Variants in IL1RAP observed in about 807,000 individuals in gnomAD.
The protein encoded by IL1RAP is interleukin 1 receptor accessory protein, also known as interleukin-1 receptor accessory protein.
IL1RAP carries 35 observed loss-of-function variants against 60.7 expected under a neutral mutation model. That is an observed-to-expected ratio of 0.58 (90% CI 0.44 to 0.76). The LOEUF is 0.76. Among genes scored for constraint, IL1RAP ranks in the 30% least tolerant of loss-of-function variants. The pLI is 0.00. For synonymous variants in IL1RAP, 268 were observed against 250.9 expected (o/e 1.07, Z -0.64); for missense variants, 572 against 693.9 (o/e 0.82, Z 1.97).
intron 3 of IL1RAP, among the ~76,000 whole-genome samples, chr3:190,590,573 G>A (rs913422844): frequency 1.3e-5 from 2 of 152,092 alleles, no homozygotes; most frequent in African/African-American, 4.8e-5. Flanking sequence ...TTCTTTCCAG[G>A]TGCCACACTT....
At chr3:190,560,219 A>G (rs1414019373) in intron 2 of IL1RAP, among the ~76,000 whole-genome samples, 1 of 152,220 alleles carries the variant, frequency 6.6e-6, no homozygotes, top group Non-Finnish European at 1.5e-5. Context: ...AAATAAAAGG[A>G]AAGATCTGAA....
chr3:190,604,054 G>A (rs1164125971), intron 3 of IL1RAP, 74 bp from the exon 4 acceptor site: 1 of 1,426,170 alleles, frequency 7.0e-7, no homozygotes, highest in East Asian at 2.3e-5. Context: ...GAACTGAGGA[G>A]AAGGTGTGTT....
rs372739864 is a variant in IL1RAP at position 190,627,279 on chromosome 3, G to C, written c.776-44G>C. On this transcript the variant is annotated intron_variant, in intron 7 of 11. Coordinates refer to ENST00000447382, the MANE Select transcript of IL1RAP (RefSeq NM_002182.4). ...TTTTTGTTTTGTTTTGTTTTGTTTT[G>C]TTTTGTTTTTTGTTTTTTTTGTTTT... The C allele has an allele frequency of 3.5e-6, 5 of 1,439,328 alleles. No individual in the cohort carries two copies. In the African/African-American group the frequency reaches 6.7e-5, roughly 19 times the overall value. The allele number at this position is 1,439,328 out of a possible 1,614,324, so 89.2% of individuals were successfully genotyped here. A position where few individuals can be genotyped will look rare whatever the true frequency, so the allele number is the denominator to read the frequency against.
At chr3:190,525,730 A>T (rs1019288676) in intron 1 of IL1RAP, among the ~76,000 whole-genome samples, 1 of 152,238 alleles carries the variant, frequency 6.6e-6, no homozygotes, top group Non-Finnish European at 1.5e-5. Flanking sequence ...CCCAGCTAAA[A>T]TAGGGAAAAC....
chr3:190,601,638 A>G lies in IL1RAP; in HGVS notation c.65-2490A>G, dbSNP rs555146695. ...GTTTTGCCAGTTATCCACTGCTGCA[A>G]AAACGGTGCCTTGCAAAGAAGCACA... On this transcript the variant is annotated intron_variant, in intron 3 of 11. Coordinates refer to ENST00000447382, the MANE Select transcript of IL1RAP (RefSeq NM_002182.4). Among the ~76,000 whole-genome samples the G allele has an allele frequency of 2.2e-4, 34 of 152,352 alleles. No individual in the cohort carries two copies. The East Asian group carries it at 5.8e-3, about 26-fold the overall frequency.
At chr3:190,539,529 T>G (rs1723752982) in intron 1 of IL1RAP, among the ~76,000 whole-genome samples, 2 of 152,074 alleles carry the variant, frequency 1.3e-5, no homozygotes, top group South Asian at 4.1e-4. Context: ...TCTCCTCTCA[T>G]CTGTACATAT....
Position 190,529,935 on chromosome 3 carries a change from A to G in IL1RAP, c.-89+15716A>G, listed in dbSNP as rs536029819. On this transcript the variant is annotated intron_variant, in intron 1 of 11. Transcript: ENST00000447382. ...GCCCCATCTAGGAGGTGAGCCAGTG[A>G]TCAGCAACAACGTATGTGAGTTGCA... Among the ~76,000 whole-genome samples, 156 of 152,116 alleles carry G rather than the reference A, an allele frequency of 1.0e-3. 3 individuals carry two copies. The South Asian group carries it at 0.031, about 30-fold the overall frequency.
intron 9 of IL1RAP, among the ~76,000 whole-genome samples, chr3:190,636,111 T>TA (rs916063199): frequency 4.0e-5 from 6 of 151,432 alleles, no homozygotes; most frequent in South Asian, 2.1e-4. Flanking sequence ...TATTGGTACT[T>TA]AAAAAAAAAG....
rs1160718045 is a variant in IL1RAP, at chr3:190,629,355, G to A, written c.908G>A (p.Ser303Asn). 1.3e-6 allele frequency: 2 copies of A among 1,599,784 alleles called. No homozygotes were observed. The highest frequency in any genetic ancestry group is 2.7e-5 in the African/African-American group (2 of 74,450). Residue 303 changes from serine (S) to asparagine (N), a missense_variant, in exon 9 of 12, where the codon AGT becomes AAT. Physicochemically the swap from Ser to Asn is conservative, Grantham distance 46. Coordinates refer to ENST00000447382, the MANE Select transcript of IL1RAP (RefSeq NM_002182.4). ...TIDVTINESI[S>N]HSRTEDETRT... Reference sequence around the variant, plus strand: ...TTTCTTCTCTCTATTTCTAGTATAAGTCATAGTAGAACAGAAGATGAAACA... The same window carrying A: ...TTTCTTCTCTCTATTTCTAGTATAAATCATAGTAGAACAGAAGATGAAACA...
intron 1 of IL1RAP, among the ~76,000 whole-genome samples, chr3:190,525,089 G>T (rs957633789): frequency 6.6e-6 from 1 of 152,120 alleles, no homozygotes. Flanking sequence ...GGAAACAGAG[G>T]TGTTGAAGTG....
chr3:190,555,854 C>T (rs1162909909), intron 1 of IL1RAP: 2 of 152,022 alleles, frequency 1.3e-5, no homozygotes, highest in Non-Finnish European at 2.9e-5. Flanking sequence ...CTTGAAGTTC[C>T]CTGTCACATT....
chr3:190,655,954 G>A (rs1734607406), downstream of IL1RAP: 3 of 1,537,162 alleles, frequency 2.0e-6, no homozygotes, highest in Non-Finnish European at 8.7e-7. Context: ...TCTGAGCCCT[G>A]ACTATGTGAC....
chr3:190,607,588 G>A (rs944582863), intron 4 of IL1RAP, among the ~76,000 whole-genome samples: 2 of 152,136 alleles, frequency 1.3e-5, no homozygotes, highest in African/African-American at 4.8e-5. Flanking sequence ...TTAGATATGA[G>A]GTGGGAAAAG....
intron 1 of IL1RAP, among the ~76,000 whole-genome samples, chr3:190,532,156 AG>A (rs1723039154): frequency 6.6e-6 from 1 of 152,174 alleles, no homozygotes; most frequent in South Asian, 2.1e-4. Context: ...AGAGAGTCAA[AG>A]GCAAGTCTTC....
chr3:190,585,205 G>A (rs1728347861), intron 3 of IL1RAP, among the ~76,000 whole-genome samples: 3 of 152,086 alleles, frequency 2.0e-5, no homozygotes, highest in African/African-American at 7.2e-5. Flanking sequence ...TGATGATGAT[G>A]GGCATTAGGG....
rs753732784 is a variant in IL1RAP at position 190,648,629 on chromosome 3, T to C, written c.1637T>C (p.Met546Thr). The C allele has an allele frequency of 6.2e-7, 1 of 1,614,144 alleles. No individual in the cohort carries two copies. The highest frequency in any genetic ancestry group is 1.7e-5 in the Admixed American group (1 of 60,010). ...GRFWKQLQVA[M>T]PVKKSPRRSS... ...TTCTGGAAGCAGCTGCAGGTGGCCA[T>C]GCCAGTGAAGAAAAGTCCCAGGCGG... Residue 546 changes from methionine to threonine, a missense_variant, in exon 12 of 12, where the codon ATG (methionine) becomes ACG (threonine). By Grantham distance (81) the Met-to-Thr change is moderately conservative. Transcript: ENST00000447382.
At chr3:190,592,364 G>C (rs10513855) in intron 3 of IL1RAP, among the ~76,000 whole-genome samples, 14,425 of 152,158 alleles carry the variant, frequency 0.095, 769 homozygotes, top group African/African-American at 0.12. Flanking sequence ...TGATGTTACT[G>C]TATTACCTTC....
At chr3:190,554,324 C>G (rs1488400375) in intron 1 of IL1RAP, among the ~76,000 whole-genome samples, 1 of 152,058 alleles carries the variant, frequency 6.6e-6, no homozygotes, top group Non-Finnish European at 1.5e-5. Flanking sequence ...TAGCAGGCTT[C>G]CCGCCTCACA....
At chr3:190,564,445 AAT>A in intron 3 of IL1RAP, 92 bp downstream of exon 3, 1 of 828,224 alleles carries the variant, frequency 1.2e-6, no homozygotes, top group Non-Finnish European at 2.1e-6. Flanking sequence ...AAATAAACAT[AAT>A]GTTATTCATG....
Sources: gnomAD v4.1 joint callset for allele counts (sites outside exome capture counted in the v4.1 genomes callset) on GRCh38, gnomAD v4.1.1 for gene constraint, MANE v1.5 for transcripts, NCBI Gene and HGNC (gene_info 2026-07-23, HGNC 2026-07-21) for gene names.